The following SPIDR variants were observed in gnomAD, a reference collection of about 807,000 sequenced individuals.
SPIDR encodes scaffold protein involved in DNA repair.
A neutral mutation model predicts 104.6 loss-of-function variants in SPIDR; 93 were observed. That is an observed-to-expected ratio of 0.89 (90% CI 0.75 to 1.06). SPIDR has a LOEUF of 1.06. SPIDR is among the 50% of genes least tolerant of loss of function. SPIDR has a pLI of 0.00. For synonymous variants in SPIDR, 431 were observed against 416.9 expected, an observed-to-expected ratio of 1.03 and a Z score of -0.41; for missense variants, 1,154 against 1,111.2, an observed-to-expected ratio of 1.04 and a Z score of -0.55.
intron 5 of SPIDR, among the ~76,000 whole-genome samples, chr8:47,313,080 G>C (rs1370059536): frequency 9.2e-5 from 14 of 152,144 alleles, no homozygotes; most frequent in Admixed American, 9.2e-4. Flanking sequence ...GCAGGAGAAG[G>C]AAATAAAGGG....
At chr8:47,512,276 A>T (rs2082450897) in intron 8 of SPIDR, 2 of 256,054 alleles carry the variant, frequency 7.8e-6, no homozygotes, top group South Asian at 1.1e-4. Flanking sequence ...ATAGAGGGGG[A>T]TGTGCTAGCT....
intron 18 of SPIDR, 26 bp downstream of exon 18, chr8:47,729,073 G>T (rs372441814): frequency 6.2e-7 from 1 of 1,611,372 alleles, no homozygotes; most frequent in African/African-American, 1.3e-5. Context: ...GAGCACGCAC[G>T]CACTCCTAGC....
intron 5 of SPIDR, among the ~76,000 whole-genome samples, chr8:47,314,961 C>T (rs2045014387): frequency 6.6e-6 from 1 of 151,972 alleles, no homozygotes; most frequent in African/African-American, 2.4e-5. Flanking sequence ...GTGTAGCATG[C>T]AAACAGTAAG....
intron 10 of SPIDR, among the ~76,000 whole-genome samples, chr8:47,668,403 AG>A (rs1380842228): frequency 6.6e-6 from 1 of 152,160 alleles, no homozygotes; most frequent in Admixed American, 6.5e-5. Flanking sequence ...AACGTGTTAA[AG>A]GGGGAAGCAA....
intron 8 of SPIDR, among the ~76,000 whole-genome samples, chr8:47,466,914 TAGATAGATAGATAGATAG>T (rs2074933615): frequency 8.6e-6 from 1 of 116,266 alleles, no homozygotes; most frequent in Admixed American, 8.6e-5. Context: ...TATATATATA[TAGATAGATAGATAGATAG>T]ATAGATAGAT....
chr8:47,553,563 C>T (rs552373159), intron 8 of SPIDR, among the ~76,000 whole-genome samples: 8 of 152,308 alleles, frequency 5.3e-5, no homozygotes, highest in East Asian at 1.9e-4. Context: ...GTGTGCATCA[C>T]GTAGTTCTCA....
At chr8:47,719,089 C>G (rs1389670261) in intron 16 of SPIDR, among the ~76,000 whole-genome samples, 1 of 152,110 alleles carries the variant, frequency 6.6e-6, no homozygotes, top group African/African-American at 2.4e-5. Context: ...AACACAGGCA[C>G]CATTGGTTTG....
chr8:47,602,154 G>T (rs1473016169), intron 10 of SPIDR, among the ~76,000 whole-genome samples: 2 of 152,148 alleles, frequency 1.3e-5, no homozygotes, highest in Admixed American at 6.5e-5. Flanking sequence ...TGTGTAGCCT[G>T]GAAGATTTTC....
chr8:47,302,214 C>A (rs2042206129), intron 5 of SPIDR, among the ~76,000 whole-genome samples: 1 of 151,680 alleles, frequency 6.6e-6, no homozygotes, highest in East Asian at 1.9e-4. Flanking sequence ...ATCACTGATA[C>A]CCTTTCTTCC....
At chr8:47,666,930 G>T (rs1464409925) in intron 10 of SPIDR, among the ~76,000 whole-genome samples, 1 of 152,114 alleles carries the variant, frequency 6.6e-6, no homozygotes. Flanking sequence ...TAAAATTTAT[G>T]TGATGTCATT....
At chr8:47,386,491 C>G (rs1014744507) in intron 5 of SPIDR, among the ~76,000 whole-genome samples, 2 of 151,998 alleles carry the variant, frequency 1.3e-5, no homozygotes, top group Admixed American at 1.3e-4. Flanking sequence ...GGTGTGTATG[C>G]CTGGAGAGGT....
intron 5 of SPIDR, among the ~76,000 whole-genome samples, chr8:47,379,634 GC>G (rs1252894795): frequency 6.6e-6 from 1 of 152,194 alleles, no homozygotes; most frequent in Non-Finnish European, 1.5e-5. Flanking sequence ...TTAAATTGTG[GC>G]TAAAGGAGTT....
At chr8:47,580,295 A>G (rs984228100) in intron 8 of SPIDR, among the ~76,000 whole-genome samples, 1 of 152,228 alleles carries the variant, frequency 6.6e-6, no homozygotes. Flanking sequence ...GACAACAACT[A>G]ATTTGAAATT....
intron 8 of SPIDR, among the ~76,000 whole-genome samples, chr8:47,562,936 T>G (rs1278549701): frequency 6.6e-6 from 1 of 152,202 alleles, no homozygotes; most frequent in East Asian, 1.9e-4. Flanking sequence ...TAGAAAGAAT[T>G]TCTTAACTCT....
chr8:47,502,104 T>A (rs2080573932), intron 8 of SPIDR, among the ~76,000 whole-genome samples: 2 of 152,184 alleles, frequency 1.3e-5, no homozygotes. Flanking sequence ...AAAATTGTCT[T>A]TTTTTGTTGT....
chr8:47,705,404 G>C (rs768027983), intron 14 of SPIDR, among the ~76,000 whole-genome samples: 1 of 152,178 alleles, frequency 6.6e-6, no homozygotes, highest in Non-Finnish European at 1.5e-5. Context: ...AATGGAACAG[G>C]TTCCATGATC....
chr8:47,313,717 A>G (rs1186617409), intron 5 of SPIDR, among the ~76,000 whole-genome samples: 6 of 152,256 alleles, frequency 3.9e-5, no homozygotes, highest in African/African-American at 7.2e-5. Context: ...AAACAGAGAT[A>G]TAGATCAGTG....
At chr8:47,268,970 C>G (rs2034672669) in intron 1 of SPIDR, among the ~76,000 whole-genome samples, 1 of 151,852 alleles carries the variant, frequency 6.6e-6, no homozygotes, top group Non-Finnish European at 1.5e-5. Context: ...AGTTCGAGAC[C>G]AGCCTGGGCA....
At chr8:47,617,819 C>T (rs192709496) in intron 10 of SPIDR, among the ~76,000 whole-genome samples, 23 of 152,230 alleles carry the variant, frequency 1.5e-4, no homozygotes, top group African/African-American at 5.5e-4. Context: ...AAATACTGAC[C>T]TTAGATTACT....
Sources: allele counts gnomAD v4.1 joint callset (sites outside exome capture counted in the v4.1 genomes callset), GRCh38; gene constraint gnomAD v4.1.1; transcripts MANE v1.5; gene names NCBI Gene and HGNC (gene_info 2026-07-23, HGNC 2026-07-21).